ATXN1: variants seen among roughly 807,000 people sequenced by gnomAD.
ATXN1 encodes ataxin 1.
ATXN1 carries 8 observed loss-of-function variants against 56.4 expected under a neutral mutation model. The ratio of observed to expected loss-of-function variants is 0.14; its 90% CI spans 0.08 to 0.26. The LOEUF is 0.26. ATXN1 is among the 10% of genes least tolerant of loss of function. The probability of loss-of-function intolerance (pLI) is 1.00; values close to 1 mark genes in which losing one functional copy is unlikely to be tolerated. For missense variants in ATXN1, 987 were observed against 1,106.5 expected, an observed-to-expected ratio of 0.89 and a Z score of 1.53; for synonymous variants, 514 against 494.6, an observed-to-expected ratio of 1.04 and a Z score of -0.52.
At chr6:16,369,933 T>C (rs73364751) in intron 6 of ATXN1, among the ~76,000 whole-genome samples, 1,683 of 152,314 alleles carry the variant, frequency 0.011, 39 homozygotes, top group African/African-American at 0.037. Flanking sequence ...TAACTCTTCA[T>C]GCTGGAGGGT....
chr6:16,326,345 G>T lies in ATXN1; in HGVS notation c.1917+49C>A. The T allele has an allele frequency of 6.3e-7, 1 of 1,598,396 alleles. No individual in the cohort carries two copies. The highest frequency in any genetic ancestry group is 1.1e-5 in the South Asian group (1 of 90,410). On this transcript the variant is annotated intron_variant, in intron 7 of 7. Coordinates refer to ENST00000436367, the MANE Select transcript of ATXN1 (RefSeq NM_001128164.2). The surrounding 1 kb of genome is among the most constrained non-coding windows in gnomAD (Gnocchi z 6.6). ...ATTCGTCTTGCCAGGAGATGATGATGGCATCACGGTGTGGTGTCCCATCCC... is the reference window on the plus strand; with the variant it reads ...ATTCGTCTTGCCAGGAGATGATGATTGCATCACGGTGTGGTGTCCCATCCC...
intron 3 of ATXN1, 129 bp from the exon 4 acceptor site, chr6:16,586,036 A>G (rs1762614963): frequency 7.4e-6 from 1 of 135,226 alleles, no homozygotes. Context: ...CACACACGCA[A>G]GCATGCGCAC....
intron 5 of ATXN1, among the ~76,000 whole-genome samples, chr6:16,521,500 G>C (rs1235397455): frequency 6.6e-6 from 1 of 152,246 alleles, no homozygotes; most frequent in African/African-American, 2.4e-5. Context: ...GGAGCTTGCA[G>C]TGAGCCGAGA....
chr6:16,569,960 C>G (rs1165976103), intron 4 of ATXN1, among the ~76,000 whole-genome samples: 3 of 152,140 alleles, frequency 2.0e-5, no homozygotes, highest in African/African-American at 7.2e-5. Flanking sequence ...ATACAAGGAC[C>G]CTGGGTCAGG....
intron 2 of ATXN1, among the ~76,000 whole-genome samples, chr6:16,736,103 T>C: frequency 6.6e-6 from 1 of 152,250 alleles, no homozygotes; most frequent in East Asian, 1.9e-4. Context: ...TATTCATGGC[T>C]AAACTCCAGA....
chr6:16,563,201 G>GT (rs1232098821), intron 4 of ATXN1, among the ~76,000 whole-genome samples: 1 of 152,154 alleles, frequency 6.6e-6, no homozygotes, highest in Non-Finnish European at 1.5e-5. Flanking sequence ...GAGGGTGAGG[G>GT]TAAGTTTTGA....
chr6:16,338,559 T>C (rs1054398638), intron 6 of ATXN1, among the ~76,000 whole-genome samples: 9 of 152,238 alleles, frequency 5.9e-5, no homozygotes, highest in Admixed American at 5.2e-4. Flanking sequence ...AAAAATTTCA[T>C]TTCAACAATG....
intron 6 of ATXN1, among the ~76,000 whole-genome samples, chr6:16,433,329 G>A (rs890083297): frequency 6.6e-6 from 1 of 152,114 alleles, no homozygotes; most frequent in African/African-American, 2.4e-5. Context: ...TTCTTTTTGG[G>A]AACTTTAGCA....
At chr6:16,332,855 C>A (rs898206297) in intron 6 of ATXN1, among the ~76,000 whole-genome samples, 2 of 152,184 alleles carry the variant, frequency 1.3e-5, no homozygotes, top group Non-Finnish European at 2.9e-5. Flanking sequence ...GGTCCTCCGA[C>A]CCGTGACATC....
chr6:16,392,028 G>A (rs533574720), intron 6 of ATXN1, among the ~76,000 whole-genome samples: 25 of 152,360 alleles, frequency 1.6e-4, no homozygotes, highest in African/African-American at 6.0e-4. Context: ...CCAGGAGGCA[G>A]AGAAACAGAG....
chr6:16,683,975 C>T (rs532801172), intron 2 of ATXN1, among the ~76,000 whole-genome samples: 1 of 152,328 alleles, frequency 6.6e-6, no homozygotes, highest in South Asian at 2.1e-4. Flanking sequence ...CTCCCTTGGT[C>T]TGGCATGCTG....
In ATXN1 at chr6:16,691,573, G is replaced by A. The variant is rs116498652; in HGVS notation, c.-614-33672C>T. On this transcript the variant is annotated intron_variant, in intron 2 of 7. Coordinates refer to ENST00000436367, the MANE Select transcript of ATXN1 (RefSeq NM_001128164.2). The stretch of plus-strand genomic sequence containing the variant: ...TAAGTAGGTACTATTAGTTAAGCCA[G>A]CATAGTTCCTGAGTTGCAAAGCATA... Among the ~76,000 whole-genome samples the A allele has an allele frequency of 5.3e-3, 809 of 152,312 alleles. 4 individuals are homozygous for A. The highest frequency in any genetic ancestry group is 0.019 in the African/African-American group (783 of 41,562).
At chr6:16,352,570 TCACAGCAAGGGAATTTAAAGGAAATGAC>T (rs1221775084) in intron 6 of ATXN1, among the ~76,000 whole-genome samples, 2 of 152,050 alleles carry the variant, frequency 1.3e-5, no homozygotes, top group Admixed American at 6.6e-5. Context: ...AAGGAAATGA[TCACAGCAAGGGAATTTAAAGGAAATGAC>T]CACAGCAAGG....
intron 6 of ATXN1, among the ~76,000 whole-genome samples, chr6:16,441,517 T>C (rs1759516604): frequency 6.6e-6 from 1 of 152,168 alleles, no homozygotes; most frequent in Admixed American, 6.5e-5. Context: ...GTAGCATTCT[T>C]ACCACAGAGA....
intron 2 of ATXN1, chr6:16,738,498 T>C (rs1039555305): frequency 2.6e-5 from 4 of 152,254 alleles, no homozygotes; most frequent in African/African-American, 9.6e-5. Flanking sequence ...GACTTTATTA[T>C]ATACATATTC....
At chr6:16,502,731 C>A (rs1326798092) in intron 5 of ATXN1, among the ~76,000 whole-genome samples, 2 of 152,140 alleles carry the variant, frequency 1.3e-5, no homozygotes, top group Non-Finnish European at 2.9e-5. Context: ...TTATTACAGT[C>A]CAATCGCACA....
Position 16,314,622 on chromosome 6 carries a change from A to T in ATXN1, c.1918-7763T>A, listed in dbSNP as rs571133256. On this transcript the variant is annotated intron_variant, in intron 7 of 7. Coordinates refer to ENST00000436367, the MANE Select transcript of ATXN1 (RefSeq NM_001128164.2). ...GCTTCAAAATATTGTTATTATTATT[A>T]TTTTTTTTTTTGAGATGGAGTCTTG... is the stretch of plus-strand genomic sequence containing the variant. Among the ~76,000 whole-genome samples, 514 of 147,806 alleles carry T rather than the reference A, an allele frequency of 3.5e-3. 3 individuals carry two copies. The highest frequency in any genetic ancestry group is 0.024 in the South Asian group (109 of 4,632).
At chr6:16,333,363 T>C (rs1761034856) in intron 6 of ATXN1, among the ~76,000 whole-genome samples, 1 of 152,228 alleles carries the variant, frequency 6.6e-6, no homozygotes, top group African/African-American at 2.4e-5. Context: ...TTTTTGCTAT[T>C]ACCATGGATT....
Position 16,760,629 on chromosome 6 carries a change from CCG to C in ATXN1, c.-730+667_-730+668del, listed in dbSNP as rs1761058786. 6.6e-6 allele frequency among the ~76,000 whole-genome samples: 1 copy of C among 151,132 alleles called. No individual in the cohort carries two copies. The highest frequency in any genetic ancestry group is 1.5e-5 in the Non-Finnish European group (1 of 67,670). On this transcript the variant is annotated intron_variant, in intron 1 of 7. Transcript: ENST00000436367. The surrounding 1 kb of genome is among the most constrained non-coding windows in gnomAD (Gnocchi z 5.3). ...CCCGGCTGCAGGAGCAGTCCCTTCC[CCG>C]CCCGCAGCCGCACACCCGGCGAGGC...
Sources: gnomAD v4.1 joint callset for allele counts (sites outside exome capture counted in the v4.1 genomes callset) on GRCh38, gnomAD v4.1.1 for gene constraint, Gnocchi (gnomAD v3.1) non-coding constraint, MANE v1.5 for transcripts, NCBI Gene and HGNC (gene_info 2026-07-23, HGNC 2026-07-21) for gene names.